Variants in RALGAPA2 observed in about 807,000 individuals in gnomAD.
The protein encoded by RALGAPA2 is Ral GTPase activating protein catalytic subunit alpha 2, also known as ral GTPase-activating protein subunit alpha-2.
A neutral mutation model predicts 230.4 loss-of-function variants in RALGAPA2; 139 were observed. That is an observed-to-expected ratio of 0.60 (90% CI 0.53 to 0.69). The LOEUF (loss-of-function observed/expected upper bound fraction) is 0.69. Ranked by LOEUF, RALGAPA2 falls within the 30% of genes least tolerant of loss-of-function variation. The pLI is 0.00. For missense variants in RALGAPA2, 2,163 were observed against 2,276.0 expected, an observed-to-expected ratio of 0.95 and a Z score of 1.01; for synonymous variants, 847 against 837.8, an observed-to-expected ratio of 1.01 and a Z score of -0.19.
At chr20:20,663,443 T>C (rs1223993403) in intron 3 of RALGAPA2, among the ~76,000 whole-genome samples, 1 of 152,202 alleles carries the variant, frequency 6.6e-6, no homozygotes, top group Middle Eastern at 3.2e-3. Flanking sequence ...TCATTCTTAC[T>C]GTAGATCTTA....
intron 23 of RALGAPA2, among the ~76,000 whole-genome samples, chr20:20,549,546 A>C (rs1382508932): frequency 6.6e-6 from 1 of 152,200 alleles, no homozygotes; most frequent in Non-Finnish European, 1.5e-5. Flanking sequence ...GGGGGGGTTA[A>C]AGAGGGAACT....
chr20:20,546,917 CTG>C, intron 23 of RALGAPA2, 85 bp from the exon 24 acceptor site: 2 of 1,340,454 alleles, frequency 1.5e-6, no homozygotes, highest in Non-Finnish European at 2.0e-6. Flanking sequence ...CATATGACCA[CTG>C]TATAATAATC....
chr20:20,500,172 C>T (rs541457722), intron 35 of RALGAPA2, among the ~76,000 whole-genome samples: 1 of 152,240 alleles, frequency 6.6e-6, no homozygotes, highest in Admixed American at 6.5e-5. Context: ...ATCAGGGTGG[C>T]AGTTGCTGAA....
intron 27 of RALGAPA2, among the ~76,000 whole-genome samples, chr20:20,530,006 T>C (rs1261256548): frequency 6.6e-6 from 1 of 152,238 alleles, no homozygotes; most frequent in Non-Finnish European, 1.5e-5. Context: ...TAAAAATGAA[T>C]TGGAATCTAC....
intron 35 of RALGAPA2, among the ~76,000 whole-genome samples, chr20:20,500,368 T>G (rs1806278225): frequency 6.6e-6 from 1 of 152,354 alleles, no homozygotes; most frequent in South Asian, 2.1e-4. Flanking sequence ...CCAATTAAAT[T>G]TATGGAATAT....
chr20:20,595,841 G>A (rs767589791), intron 16 of RALGAPA2, among the ~76,000 whole-genome samples: 4 of 151,926 alleles, frequency 2.6e-5, no homozygotes, highest in Non-Finnish European at 1.5e-5. Context: ...CTGGCTACTC[G>A]GGAGGCTGAA....
rs148355194 is a variant in RALGAPA2 at position 20,530,419 on chromosome 20, A to G, written c.3582+1268T>C. On this transcript the variant is annotated intron_variant, in intron 27 of 39. Coordinates refer to ENST00000202677, the MANE Select transcript of RALGAPA2 (RefSeq NM_020343.4). ...TACAACCACCACCCCCACCTCCACT[A>G]GGTGTTGTGGAGGAGAAATAGGGGA... Among the ~76,000 whole-genome samples, 361 of 152,170 alleles carry G rather than the reference A, an allele frequency of 2.4e-3. 2 individuals carry two copies. The highest frequency in any genetic ancestry group is 8.2e-3 in the African/African-American group (339 of 41,510).
chr20:20,485,351 C>A (rs1168408028), intron 36 of RALGAPA2, among the ~76,000 whole-genome samples: 1 of 152,182 alleles, frequency 6.6e-6, no homozygotes, highest in Admixed American at 6.5e-5. Context: ...CACCCCTTTA[C>A]TTTTAATCTG....
rs549618393 is a variant in RALGAPA2, at chr20:20,393,068, A to G, written c.*221T>C. ...GTTTGAGTCCCATCTGAGACACGGTAGTGGGATTCACCATGGGCTTCAGAA... is the reference window on the plus strand; with the variant it reads ...GTTTGAGTCCCATCTGAGACACGGTGGTGGGATTCACCATGGGCTTCAGAA... On this transcript the variant is annotated 3_prime_UTR_variant, in exon 40 of 40. Coordinates refer to ENST00000202677, the MANE Select transcript of RALGAPA2 (RefSeq NM_020343.4). The G allele has an allele frequency of 7.5e-7, 1 of 1,327,794 alleles. No individual in the cohort carries two copies. The highest frequency in any genetic ancestry group is 4.8e-5 in the East Asian group (1 of 20,800). The allele number at this position is 1,327,794 out of a possible 1,614,324, so 82.3% of individuals were successfully genotyped here.
chr20:20,592,790 T>C (rs1365217888), intron 16 of RALGAPA2, among the ~76,000 whole-genome samples: 1 of 152,208 alleles, frequency 6.6e-6, no homozygotes, highest in Admixed American at 6.5e-5. Context: ...TGTTGGAAGA[T>C]TCTACATTTA....
intron 3 of RALGAPA2, among the ~76,000 whole-genome samples, chr20:20,674,038 G>GA (rs1478617028): frequency 1.3e-5 from 2 of 151,264 alleles, no homozygotes; most frequent in South Asian, 2.1e-4. Flanking sequence ...AAATTAAAAA[G>GA]AAAAAAAATT....
At chr20:20,475,725 A>T (rs2061635632) in intron 36 of RALGAPA2, among the ~76,000 whole-genome samples, 1 of 152,186 alleles carries the variant, frequency 6.6e-6, no homozygotes, top group South Asian at 2.1e-4. Context: ...ATTTTTGAAG[A>T]TCCTAGTCAC....
At chr20:20,485,225 T>C (rs981198897) in intron 36 of RALGAPA2, among the ~76,000 whole-genome samples, 7 of 152,210 alleles carry the variant, frequency 4.6e-5, no homozygotes, top group Non-Finnish European at 1.5e-5. Flanking sequence ...CAGGTTCTGC[T>C]ATGTAATGTC....
At chr20:20,514,186 C>T (rs1349055730) in intron 31 of RALGAPA2, among the ~76,000 whole-genome samples, 6 of 152,090 alleles carry the variant, frequency 3.9e-5, no homozygotes, top group Admixed American at 3.3e-4. Context: ...AGAACACCTG[C>T]TTGCCTGGAT....
chr20:20,531,224 T>G (rs1297372178), intron 27 of RALGAPA2, among the ~76,000 whole-genome samples: 2 of 152,206 alleles, frequency 1.3e-5, no homozygotes, highest in Non-Finnish European at 2.9e-5. Context: ...CTAGTGTGAG[T>G]GCCCAGTGAA....
chr20:20,597,016 G>A (rs1602999986), intron 16 of RALGAPA2, among the ~76,000 whole-genome samples: 1 of 152,170 alleles, frequency 6.6e-6, no homozygotes, highest in Non-Finnish European at 1.5e-5. Context: ...CGTATATACA[G>A]GAACCAAGAG....
chr20:20,594,721 T>C (rs1447274561), intron 16 of RALGAPA2, among the ~76,000 whole-genome samples: 1 of 151,062 alleles, frequency 6.6e-6, no homozygotes, highest in East Asian at 2.0e-4. Flanking sequence ...TACTAAACTA[T>C]TACTTTCTTT....
chr20:20,552,313 C>T (rs1287592523), intron 23 of RALGAPA2, among the ~76,000 whole-genome samples: 3 of 152,160 alleles, frequency 2.0e-5, no homozygotes, highest in African/African-American at 4.8e-5. Flanking sequence ...AGTTATTCCA[C>T]CTAAAGTCAC....
intron 2 of RALGAPA2, 129 bp from the exon 3 acceptor site, chr20:20,676,417 G>A: frequency 1.7e-6 from 1 of 596,078 alleles, no homozygotes; most frequent in South Asian, 2.3e-5. Flanking sequence ...AATAGCAAGA[G>A]GCAGTATGGA....
Sources: gnomAD v4.1 joint callset for allele counts (sites outside exome capture counted in the v4.1 genomes callset) on GRCh38, gnomAD v4.1.1 for gene constraint, MANE v1.5 for transcripts, NCBI Gene and HGNC (gene_info 2026-07-23, HGNC 2026-07-21) for gene names.